The following DYNLRB1 variants were observed in gnomAD, a reference collection of about 807,000 sequenced individuals.
DYNLRB1 encodes the protein dynein light chain roadblock-type 1, also known as ROBL/LC7-like 1.
A neutral mutation model predicts 13.5 loss-of-function variants in DYNLRB1; 6 were observed. The ratio of observed to expected loss-of-function variants is 0.44; its 90% CI spans 0.24 to 0.88. DYNLRB1 has a LOEUF of 0.88. Ranked by LOEUF, DYNLRB1 falls within the 40% of genes least tolerant of loss-of-function variation. The pLI, the probability that DYNLRB1 is intolerant of heterozygous loss-of-function variation, is 0.21. For synonymous variants in DYNLRB1, 43 were observed against 45.0 expected (o/e 0.96, Z 0.18); for missense variants, 93 against 127.2 (o/e 0.73, Z 1.29).
chr20:34,530,164 T>C, intron 2 of DYNLRB1: 14 of 1,196,480 alleles, frequency 1.2e-5, no homozygotes, highest in Non-Finnish European at 1.3e-5. Context: ...GCCCTCATTC[T>C]TGCCTTAAAA....
chr20:34,532,560 G>A lies in DYNLRB1; in HGVS notation c.80-2068G>A, dbSNP rs550257507. On this transcript the variant is annotated intron_variant, in intron 2 of 3. Coordinates refer to ENST00000357156, the MANE Select transcript of DYNLRB1 (RefSeq NM_014183.4). ...GAGTCGTGGTGGCTCCTACCCCATCGCCGCCCCATCGTGGTTAGATTATAA... is the reference window on the plus strand; with the variant it reads ...GAGTCGTGGTGGCTCCTACCCCATCACCGCCCCATCGTGGTTAGATTATAA... Among the ~76,000 whole-genome samples the A allele has an allele frequency of 5.3e-5, 8 of 152,166 alleles. No homozygotes were observed. The South Asian group carries it at 8.3e-4, about 16-fold the overall frequency.
rs183839179 is a variant in DYNLRB1 at position 34,526,826 on chromosome 20, A to G, written c.79+483A>G. Among the ~76,000 whole-genome samples the G allele has an allele frequency of 1.0e-3, 155 of 152,274 alleles. 1 individual carries two copies. In the Middle Eastern group the frequency reaches 0.014, roughly 13 times the overall value. On this transcript the variant is annotated intron_variant, in intron 2 of 3. Transcript: ENST00000357156. ...TGCCACGACAATGTTCATTAGCCCA[A>G]TTTTGTTGTTTCTACTTTTTAGTAA...
chr20:34,535,900 T>C (rs1163557508), intron 3 of DYNLRB1: 3 of 985,168 alleles, frequency 3.0e-6, no homozygotes, highest in South Asian at 4.7e-5. Flanking sequence ...CACTGAATGC[T>C]CTGGACTGGC....
intron 3 of DYNLRB1, chr20:34,535,661 C>T (rs967189557): frequency 1.1e-5 from 11 of 985,180 alleles, no homozygotes; most frequent in East Asian, 2.3e-4. Flanking sequence ...AGTGTGCGTG[C>T]GTCACGTATG....
At chr20:34,516,374 G>A (rs953017820), upstream of DYNLRB1, 3 of 1,580,998 alleles carry the variant, frequency 1.9e-6, no homozygotes, top group Non-Finnish European at 2.6e-6. Context: ...AGAGCTGTCC[G>A]TTTTGACAGA....
At chr20:34,533,875 G>A (rs552253004) in intron 2 of DYNLRB1, among the ~76,000 whole-genome samples, 3 of 151,558 alleles carry the variant, frequency 2.0e-5, no homozygotes, top group East Asian at 2.0e-4. Flanking sequence ...GATGGCTCAC[G>A]TCTGTAATCC....
intron 1 of DYNLRB1, among the ~76,000 whole-genome samples, chr20:34,520,483 G>C (rs1313558256): frequency 6.6e-6 from 1 of 152,164 alleles, no homozygotes; most frequent in Non-Finnish European, 1.5e-5. Context: ...GTCTCACTCT[G>C]TTGCCCAGAC....
intron 1 of DYNLRB1, among the ~76,000 whole-genome samples, chr20:34,522,441 CT>C (rs1281434554): frequency 2.5e-5 from 3 of 118,206 alleles, no homozygotes; most frequent in Non-Finnish European, 5.7e-5. Flanking sequence ...GTTTACTTTT[CT>C]TTTTTCTTTC....
chr20:34,540,783 G>A lies in DYNLRB1; in HGVS notation c.*159G>A, dbSNP rs756216322. 18 of 692,582 alleles carry A rather than the reference G, an allele frequency of 2.6e-5. No homozygotes were observed. Among genetic ancestry groups the A allele is most frequent in the African/African-American group, 1.3e-4 (7 of 54,358 alleles). The allele number at this position is 692,582 out of a possible 1,614,324, so 42.9% of individuals were successfully genotyped here. On this transcript the variant is annotated 3_prime_UTR_variant, in exon 4 of 4. Transcript: ENST00000357156. ...CTGGCGGCTCTTCTCCCCCACCAAC[G>A]GAACCCCTGTGTGCACCAACCTTCC...
At chr20:34,520,279 G>T (rs1417086113) in intron 1 of DYNLRB1, among the ~76,000 whole-genome samples, 4 of 152,054 alleles carry the variant, frequency 2.6e-5, no homozygotes, top group Non-Finnish European at 4.4e-5. Flanking sequence ...TGAGTTTTGG[G>T]GGGATTTTTT....
At position 34,540,683 on chromosome 20, in the gene DYNLRB1, G is replaced by A. The variant is rs1981511647; in HGVS notation, c.*59G>A. On this transcript the variant is annotated 3_prime_UTR_variant, in exon 4 of 4. Transcript: ENST00000357156. ...TTTAATGCCCCCCAAGAATGTTAAT[G>A]TCAATCATGTCAGTGGACTAGCACA... The A allele has an allele frequency of 6.4e-7, 1 of 1,554,198 alleles. No individual in the cohort carries two copies. The highest frequency in any genetic ancestry group is 1.7e-5 in the Admixed American group (1 of 59,036).
At chr20:34,531,654 A>G (rs967875060) in intron 2 of DYNLRB1, among the ~76,000 whole-genome samples, 16 of 152,234 alleles carry the variant, frequency 1.1e-4, no homozygotes, top group African/African-American at 3.9e-4. Context: ...ACCAATAGCA[A>G]TAAAAGCTTA....
intron 3 of DYNLRB1, among the ~76,000 whole-genome samples, chr20:34,539,253 G>A (rs1981403617): frequency 6.6e-6 from 1 of 152,208 alleles, no homozygotes; most frequent in African/African-American, 2.4e-5. Context: ...TGGACTTGCT[G>A]TGATTTAATG....
intron 3 of DYNLRB1, chr20:34,536,072 C>T (rs1350319511): frequency 1.0e-6 from 1 of 985,274 alleles, no homozygotes; most frequent in Non-Finnish European, 1.2e-6. Flanking sequence ...CTCCCTGGGA[C>T]ACTCCCTAGA....
At chr20:34,534,578 C>T (rs759518424) in intron 2 of DYNLRB1, 50 bp from the exon 3 acceptor site, 16 of 1,518,784 alleles carry the variant, frequency 1.1e-5, no homozygotes, top group Non-Finnish European at 1.4e-5. Context: ...GGTGGGAGCT[C>T]GGCAGAAGGG....
chr20:34,530,241 G>C (rs1480716188), intron 2 of DYNLRB1: 5 of 1,071,466 alleles, frequency 4.7e-6, no homozygotes, highest in Non-Finnish European at 5.6e-6. Flanking sequence ...ACTAGTGAGT[G>C]CTGCTTTTTT....
Position 34,516,430 on chromosome 20 carries a change from G to C in DYNLRB1, c.-29G>C. 6.2e-7 allele frequency: 1 copy of C among 1,612,594 alleles called. No homozygotes were observed. The highest frequency in any genetic ancestry group is 1.1e-5 in the South Asian group (1 of 90,892). The stretch of plus-strand genomic sequence containing the variant: ...AAGGCACAGGACTCGCTAAGTGTTC[G>C]CTACGCGGGGCTACCGGATCGGTCG... On this transcript the variant is annotated 5_prime_UTR_variant, in exon 1 of 4. Transcript: ENST00000357156.
At chr20:34,532,476 C>G (rs548540052) in intron 2 of DYNLRB1, among the ~76,000 whole-genome samples, 2 of 152,262 alleles carry the variant, frequency 1.3e-5, no homozygotes, top group South Asian at 4.1e-4. Flanking sequence ...TGCTGGGTGG[C>G]AAGAAACTGG....
intron 1 of DYNLRB1, among the ~76,000 whole-genome samples, chr20:34,518,608 C>G (rs1305749604): frequency 6.6e-6 from 1 of 151,832 alleles, no homozygotes; most frequent in Admixed American, 6.6e-5. Flanking sequence ...CCACCACACC[C>G]TGCTAATTTT....
Sources: allele counts gnomAD v4.1 joint callset (sites outside exome capture counted in the v4.1 genomes callset), GRCh38; gene constraint gnomAD v4.1.1; transcripts MANE v1.5; gene names NCBI Gene and HGNC (gene_info 2026-07-23, HGNC 2026-07-21).